CCDC167: variants seen among roughly 807,000 people sequenced by gnomAD.
The protein encoded by CCDC167 is coiled-coil domain-containing protein 167.
CCDC167 carries 15 observed loss-of-function variants against 12.7 expected under a neutral mutation model. The ratio of observed to expected loss-of-function variants is 1.18; its 90% CI spans 0.79 to 1.81. CCDC167 has a LOEUF of 1.81. CCDC167 is among the 40% of genes most tolerant of loss of function. The probability of loss-of-function intolerance (pLI) is 0.00; values close to 1 mark genes in which losing one functional copy is unlikely to be tolerated. For missense variants in CCDC167, 121 were observed against 120.1 expected (o/e 1.01, Z -0.03); for synonymous variants, 52 against 49.0 (o/e 1.06, Z -0.26).
At chr6:37,484,333 G>T (rs1199985348) in intron 3 of CCDC167, among the ~76,000 whole-genome samples, 1 of 152,238 alleles carries the variant, frequency 6.6e-6, no homozygotes, top group Non-Finnish European at 1.5e-5. Flanking sequence ...GCCCCGCCGG[G>T]CCTGGCCTCT....
chr6:37,486,185 T>C (rs1467632369), intron 1 of CCDC167, among the ~76,000 whole-genome samples: 4 of 152,190 alleles, frequency 2.6e-5, no homozygotes, highest in African/African-American at 9.6e-5. Flanking sequence ...CTTCACTCAT[T>C]CTCACCACTT....
At chr6:37,492,954 A>T (rs1762042349) in intron 1 of CCDC167, among the ~76,000 whole-genome samples, 1 of 152,122 alleles carries the variant, frequency 6.6e-6, no homozygotes, top group Non-Finnish European at 1.5e-5. Flanking sequence ...TTTTCTGTGG[A>T]GGCGGCTCAC....
intron 1 of CCDC167, among the ~76,000 whole-genome samples, chr6:37,492,921 T>G (rs1193944602): frequency 1.3e-5 from 2 of 152,034 alleles, no homozygotes; most frequent in Non-Finnish European, 2.9e-5. Context: ...GGGCCCATTA[T>G]CCCCACATCG....
At chr6:37,487,758 A>G (rs768642460) in intron 1 of CCDC167, among the ~76,000 whole-genome samples, 5 of 152,278 alleles carry the variant, frequency 3.3e-5, no homozygotes, top group Non-Finnish European at 5.9e-5. Flanking sequence ...CCAATCTGCT[A>G]TCATGCTCTG....
intron 1 of CCDC167, among the ~76,000 whole-genome samples, chr6:37,487,048 CCTT>C (rs1761951864): frequency 6.6e-6 from 1 of 152,190 alleles, no homozygotes; most frequent in Non-Finnish European, 1.5e-5. Flanking sequence ...ATTCCACCCT[CCTT>C]CTCCTGGGAA....
chr6:37,490,549 C>T (rs971834896), intron 1 of CCDC167, among the ~76,000 whole-genome samples: 9 of 152,180 alleles, frequency 5.9e-5, no homozygotes, highest in Admixed American at 2.6e-4. Context: ...ACTGCTGCTT[C>T]TCAGTATCAG....
At chr6:37,495,946 A>G (rs1256801532) in intron 1 of CCDC167, among the ~76,000 whole-genome samples, 1 of 152,198 alleles carries the variant, frequency 6.6e-6, no homozygotes, top group Non-Finnish European at 1.5e-5. Context: ...AGGTGGGGAG[A>G]CAGCCAGCCA....
intron 2 of CCDC167, 117 bp downstream of exon 2, chr6:37,484,983 A>G (rs1356935192): frequency 6.9e-7 from 1 of 1,446,724 alleles, no homozygotes; most frequent in Non-Finnish European, 9.6e-7. Context: ...TGTGCACTGA[A>G]GCTAAGATGT....
intron 1 of CCDC167, among the ~76,000 whole-genome samples, chr6:37,494,288 C>T (rs1762069325): frequency 6.6e-6 from 1 of 152,122 alleles, no homozygotes; most frequent in African/African-American, 2.4e-5. Flanking sequence ...GTCTCGAACT[C>T]GTGACCTCAG....
chr6:37,499,814 C>G lies in CCDC167; in HGVS notation c.42+8G>C. On this transcript the variant is annotated splice_region_variant and intron_variant, in intron 1 of 3. Transcript: ENST00000373408. ...ACGAGGTGGCCCAACCCCCACTTTT[C>G]CCCTCACCTCTAGAGCGACGCCCAG... 6.2e-7 allele frequency: 1 copy of G among 1,614,020 alleles called. No homozygotes were observed. Among genetic ancestry groups the G allele is most frequent in the Non-Finnish European group, 8.5e-7 (1 of 1,179,934 alleles).
chr6:37,499,685 C>T, intron 1 of CCDC167, 137 bp downstream of exon 1: 3 of 995,872 alleles, frequency 3.0e-6, no homozygotes, highest in South Asian at 1.4e-5. Context: ...TCACCCCTCC[C>T]GTCCCTCTCC....
chr6:37,496,572 G>A (rs748855611), intron 1 of CCDC167, among the ~76,000 whole-genome samples: 2 of 152,172 alleles, frequency 1.3e-5, no homozygotes, highest in Admixed American at 1.3e-4. Flanking sequence ...ATGAGTGAAC[G>A]AATGCCCAAG....
chr6:37,498,162 T>C lies in CCDC167; in HGVS notation c.42+1660A>G, dbSNP rs367900089. Among the ~76,000 whole-genome samples the C allele has an allele frequency of 3.5e-4, 53 of 152,332 alleles. No individual in the cohort carries two copies. In the South Asian group the frequency reaches 0.01, roughly 30 times the overall value. The stretch of plus-strand genomic sequence containing the variant: ...ATCTGTGAATAATGAGGATCAACTG[T>C]AGTTGCAACCCAGACCATTTGGCTC... On this transcript the variant is annotated intron_variant, in intron 1 of 3. Coordinates refer to ENST00000373408, the MANE Select transcript of CCDC167 (RefSeq NM_138493.3).
intron 1 of CCDC167, among the ~76,000 whole-genome samples, chr6:37,491,515 A>G (rs1286740706): frequency 6.6e-6 from 1 of 152,166 alleles, no homozygotes; most frequent in Non-Finnish European, 1.5e-5. Context: ...GGTTTGCTAC[A>G]GGGTCAGGCA....
chr6:37,484,609 ATCC>A (rs926066332), intron 3 of CCDC167, among the ~76,000 whole-genome samples, 198 bp downstream of exon 3: 2 of 152,194 alleles, frequency 1.3e-5, no homozygotes, highest in African/African-American at 4.8e-5. Flanking sequence ...AGGCGGTCTC[ATCC>A]TCCCTTAGAA....
intron 1 of CCDC167, among the ~76,000 whole-genome samples, chr6:37,495,039 A>G (rs1232482104): frequency 6.6e-6 from 1 of 152,120 alleles, no homozygotes; most frequent in African/African-American, 2.4e-5. Flanking sequence ...ACCTCAAATG[A>G]TGCACCTGCC....
chr6:37,499,447 T>C (rs1049389328), intron 1 of CCDC167, among the ~76,000 whole-genome samples: 1 of 152,156 alleles, frequency 6.6e-6, no homozygotes, highest in Non-Finnish European at 1.5e-5. Flanking sequence ...GAGTTCTCCT[T>C]AGATTCTACA....
chr6:37,485,241 T>A, intron 1 of CCDC167, 47 bp from the exon 2 acceptor site: 1 of 1,441,792 alleles, frequency 6.9e-7, no homozygotes. Flanking sequence ...CTTCTAGCTC[T>A]CAAAACACTG....
intron 1 of CCDC167, among the ~76,000 whole-genome samples, chr6:37,493,041 G>A (rs190362322): frequency 6.6e-6 from 1 of 152,344 alleles, no homozygotes; most frequent in Admixed American, 6.5e-5. Context: ...TCTCTCGCAG[G>A]TTGTGCAGCT....
Sources: allele counts gnomAD v4.1 joint callset (sites outside exome capture counted in the v4.1 genomes callset), GRCh38; gene constraint gnomAD v4.1.1; transcripts MANE v1.5; gene names NCBI Gene and HGNC (gene_info 2026-07-23, HGNC 2026-07-21).